Variants in ALOX12B observed in about 807,000 individuals in gnomAD.
The protein encoded by ALOX12B is arachidonate 12-lipoxygenase, 12R-type.
In ALOX12B, 47 loss-of-function variants were observed where a neutral mutation model predicts 78.9. The observed-to-expected ratio is 0.60, with a 90% CI of 0.47 to 0.76. The LOEUF is 0.76. Among genes scored for constraint, ALOX12B ranks in the 30% least tolerant of loss-of-function variants. The pLI, the probability that ALOX12B is intolerant of heterozygous loss-of-function variation, is 0.00. For missense variants in ALOX12B, 805 were observed against 922.6 expected (o/e 0.87, Z 1.65); for synonymous variants, 370 against 374.5 (o/e 0.99, Z 0.14).
At chr17:8,082,276 C>G (rs1229751610) in intron 2 of ALOX12B, among the ~76,000 whole-genome samples, 1 of 152,086 alleles carries the variant, frequency 6.6e-6, no homozygotes, top group Non-Finnish European at 1.5e-5. Flanking sequence ...TTGTTTAGCA[C>G]TTACTAGGTC....
In ALOX12B at chr17:8,076,322, C is replaced by A. The variant is rs774958790; in HGVS notation, c.1385G>T (p.Gly462Val). The change falls in exon 11 of 15, where the codon GGC becomes GTC. Residue 462 changes from glycine (G) to valine (V), a missense_variant. Gly to Val is a moderately radical substitution (Grantham distance 109, BLOSUM62 -3). Coordinates refer to ENST00000647874, the MANE Select transcript of ALOX12B (RefSeq NM_001139.3). ...AGCCCGTACCATCACCCCAGCAAAG[C>A]CTTCCACGCCCAGGGACATGCCCTG... ...SAKGMSLGVEGFAGVMVRALS... is the reference protein window; with the variant it reads ...SAKGMSLGVEVFAGVMVRALS... 3 of 1,608,338 alleles carry A rather than the reference C, an allele frequency of 1.9e-6. No individual in the cohort carries two copies. The highest frequency in any genetic ancestry group is 1.1e-5 in the South Asian group (1 of 90,144).
intron 2 of ALOX12B, among the ~76,000 whole-genome samples, chr17:8,081,870 T>C: frequency 6.6e-6 from 1 of 152,230 alleles, no homozygotes; most frequent in East Asian, 1.9e-4. Context: ...CTCGAACTCC[T>C]GACCTCAGGT....
Position 8,077,101 on chromosome 17 carries a change from C to T in ALOX12B, c.1164G>A (p.Ala388=), listed in dbSNP as rs373873829. Residue 388 remains alanine (A), a synonymous_variant, in exon 9 of 15, where the codon GCG becomes GCA. Transcript: ENST00000647874. The stretch of plus-strand genomic sequence containing the variant: ...CGATGGCCTCGTGGCTGTAGAACTC[C>T]GCATAGCGTACCCACGTCTTGGCTA... The part of the protein sequence containing the change: ...WLLAKTWVRY[A]EFYSHEAIAH... 5.1e-5 allele frequency: 82 copies of T among 1,613,856 alleles called. 1 individual carries two copies. In the African/African-American group the frequency reaches 5.5e-4, roughly 11 times the overall value.
chr17:8,084,580 G>T (rs1206269689), intron 2 of ALOX12B, among the ~76,000 whole-genome samples: 3 of 152,152 alleles, frequency 2.0e-5, no homozygotes, highest in African/African-American at 7.2e-5. Context: ...GCAGGAAGAT[G>T]CTCTGTGTCC....
Position 8,076,183 on chromosome 17 carries a change from T to A in ALOX12B, c.1524A>T (p.Ala508=). The A allele has an allele frequency of 6.2e-7, 1 of 1,614,054 alleles. No homozygotes were observed. Among genetic ancestry groups the A allele is most frequent in the Non-Finnish European group, 8.5e-7 (1 of 1,180,014 alleles). ...YRDDSLAVWN[A]LEKYVTEIIT... ...TGCTGTCCTGAGCTCACTTCTCCAGTGCATTCCACACCGCCAAGCTGTCAT... is the reference window on the plus strand; with the variant it reads ...TGCTGTCCTGAGCTCACTTCTCCAGAGCATTCCACACCGCCAAGCTGTCAT... Residue 508 remains alanine, a synonymous_variant, in exon 11 of 15, where the codon GCA becomes GCT. Transcript: ENST00000647874.
At chr17:8,083,773 G>C (rs947433116) in intron 2 of ALOX12B, among the ~76,000 whole-genome samples, 1 of 151,756 alleles carries the variant, frequency 6.6e-6, no homozygotes, top group Non-Finnish European at 1.5e-5. Context: ...ACTCCGTTCA[G>C]ATGTCATCTT....
rs796327272 is a variant in ALOX12B, at chr17:8,087,156, G to C, written c.147+140C>G. Reference sequence around the variant, plus strand: ...CAGCTCTCCAGCCTCTCCTCGCCAAGCTCAGCTCACCTGGCTCCCCCTGCG... The same window carrying C: ...CAGCTCTCCAGCCTCTCCTCGCCAACCTCAGCTCACCTGGCTCCCCCTGCG... On this transcript the variant is annotated intron_variant, in intron 1 of 14. Coordinates refer to ENST00000647874, the MANE Select transcript of ALOX12B (RefSeq NM_001139.3). 7 of 1,284,698 alleles carry C rather than the reference G, an allele frequency of 5.4e-6. No individual in the cohort carries two copies. In the African/African-American group the frequency reaches 8.5e-5, roughly 16 times the overall value. 79.6% of individuals were successfully genotyped at this position (1,284,698 alleles called of 1,614,324 possible).
rs776373653 is a variant in ALOX12B at position 8,080,166 on chromosome 17, G to T, written c.754+69C>A. 5 of 1,555,858 alleles carry T rather than the reference G, an allele frequency of 3.2e-6. No individual in the cohort carries two copies. Among genetic ancestry groups the T allele is most frequent in the Admixed American group, 3.3e-5 (2 of 59,900 alleles). ...TCTCCCGTCCCACTGCCCCGAAGTC[G>T]GGGGCCTGCCTAGCACGCCGGAGAC... is the stretch of plus-strand genomic sequence containing the variant. On this transcript the variant is annotated intron_variant, in intron 6 of 14. Transcript: ENST00000647874. This position sits in a 1 kb window ranked among gnomAD's most constrained non-coding sequence, Gnocchi z 4.8.
Position 8,080,137 on chromosome 17 carries a change from T to G in ALOX12B, c.754+98A>C, listed in dbSNP as rs781429156. ...GCCAGAGGGCGCGCGCGCGCCTCGC[T>G]GCCTCTCCCGTCCCACTGCCCCGAA... is the stretch of plus-strand genomic sequence containing the variant. On this transcript the variant is annotated intron_variant, in intron 6 of 14. Transcript: ENST00000647874. The surrounding 1 kb of genome is among the most constrained non-coding windows in gnomAD (Gnocchi z 4.8). The G allele has an allele frequency of 6.7e-7, 1 of 1,492,558 alleles. No homozygotes were observed. The highest frequency in any genetic ancestry group is 9.3e-7 in the Non-Finnish European group (1 of 1,070,644). 92.5% of individuals were successfully genotyped at this position (1,492,558 alleles called of 1,614,324 possible). A position where few individuals can be genotyped will look rare whatever the true frequency, so the allele number is the denominator to read the frequency against.
intron 13 of ALOX12B, 76 bp from the exon 14 acceptor site, chr17:8,073,394 C>A: frequency 1.3e-6 from 2 of 1,588,888 alleles, no homozygotes; most frequent in Non-Finnish European, 1.7e-6. Context: ...GCTGACCACC[C>A]GCCCTCCAGT....
chr17:8,076,523 C>T lies in ALOX12B; in HGVS notation c.1362+134G>A. ...TCTGCTCCTTTCTAGACAGGAGAAC[C>T]AACTTCATCCAGCTCCCTCCCTTCA... is the stretch of plus-strand genomic sequence containing the variant. On this transcript the variant is annotated intron_variant, in intron 10 of 14. Coordinates refer to ENST00000647874, the MANE Select transcript of ALOX12B (RefSeq NM_001139.3). 4 of 1,290,694 alleles carry T rather than the reference C, an allele frequency of 3.1e-6. No individual in the cohort carries two copies. The South Asian group carries it at 5.2e-5, about 17-fold the overall frequency. The allele number at this position is 1,290,694 out of a possible 1,614,324, so 80.0% of individuals were successfully genotyped here.
chr17:8,077,305 GCTCCGGTCCCAC>G, intron 8 of ALOX12B, 112 bp from the exon 9 acceptor site: 1 of 1,107,422 alleles, frequency 9.0e-7, no homozygotes, highest in South Asian at 1.4e-5. Context: ...ACACTCCTAA[GCTCCGGTCCCAC>G]TGGTCCCCTG....
At position 8,073,683 on chromosome 17, in the gene ALOX12B, T is replaced by C; in HGVS notation, c.1729A>G (p.Lys577Glu). 1 of 1,614,082 alleles carries C rather than the reference T, an allele frequency of 6.2e-7. No homozygotes were observed. Among genetic ancestry groups the C allele is most frequent in the Middle Eastern group, 1.6e-4 (1 of 6,062 alleles). ...VTIVIYTCSA[K>E]HAAVNTGQME... is the part of the protein sequence containing the mutation. ...TGGCCTGTGTTGACAGCAGCGTGCT[T>C]GGCAGAGCAGGTGTAGATGACTATA... The change falls in exon 13 of 15, where the codon AAG (lysine) becomes GAG (glutamate). Residue 577 changes from lysine to glutamate, a missense_variant. Coordinates refer to ENST00000647874, the MANE Select transcript of ALOX12B (RefSeq NM_001139.3).
At position 8,080,903 on chromosome 17, in the gene ALOX12B, GATGCCTCC is replaced by G; in HGVS notation, c.500_507del (p.Arg167ProfsTer7). The G allele has an allele frequency of 6.2e-7, 1 of 1,613,918 alleles. No individual in the cohort carries two copies. The highest frequency in any genetic ancestry group is 2.2e-5 in the East Asian group (1 of 44,870). ...CCTTACTCAGGCCGGTTGGGGTTGC[GATGCCTCC>G]GCACCGGAGGGCGGTAACTGGGAAT... On this transcript the variant is annotated frameshift_variant, in exon 4 of 15. Transcript: ENST00000647874. LOFTEE classifies it high-confidence loss of function. The surrounding 1 kb of genome is among the most constrained non-coding windows in gnomAD (Gnocchi z 4.8).
At position 8,086,007 on chromosome 17, in the gene ALOX12B, A is replaced by C; in HGVS notation, c.352+9T>G. On this transcript the variant is annotated intron_variant, in intron 2 of 14. Transcript: ENST00000647874. ...GGCCATAGGATGGAGCAGGGTGATG[A>C]GGGCTTACCTGTGGCCTCCCGGAGT... The C allele has an allele frequency of 6.2e-7, 1 of 1,613,858 alleles. No individual in the cohort carries two copies. The highest frequency in any genetic ancestry group is 8.5e-7 in the Non-Finnish European group (1 of 1,179,830).
chr17:8,086,753 A>G (rs958355786), intron 1 of ALOX12B, among the ~76,000 whole-genome samples: 4 of 152,224 alleles, frequency 2.6e-5, no homozygotes, highest in Admixed American at 2.0e-4. Context: ...ATTTTAAGTC[A>G]CAGAGAATCC....
intron 11 of ALOX12B, 100 bp downstream of exon 11, chr17:8,076,075 G>A (rs1977073488): frequency 6.6e-7 from 1 of 1,505,224 alleles, no homozygotes; most frequent in Non-Finnish European, 9.2e-7. Flanking sequence ...GCCCCTGGAT[G>A]ACACCAGACC....
rs139689690 is a variant in ALOX12B at position 8,075,634 on chromosome 17, C to T, written c.1615G>A (p.Glu539Lys). Residue 539 changes from glutamate (E) to lysine (K), a missense_variant, in exon 12 of 15, where the codon GAA (glutamate) becomes AAA (lysine). Coordinates refer to ENST00000647874, the MANE Select transcript of ALOX12B (RefSeq NM_001139.3). ...CCCAGGAGGCACTCTTTAAATATTT[C>T]CTGCACCCAAGACTGCAATTCCGGA... ...GDPELQSWVQ[E>K]IFKECLLGRE... 5 of 1,614,078 alleles carry T rather than the reference C, an allele frequency of 3.1e-6. No individual in the cohort carries two copies. The African/African-American group carries it at 6.7e-5, about 22-fold the overall frequency.
At position 8,079,065 on chromosome 17, in the gene ALOX12B, A is replaced by G. The variant is rs973427030; in HGVS notation, c.1071+331T>C. Among the ~76,000 whole-genome samples the G allele has an allele frequency of 6.6e-6, 1 of 151,560 alleles. No individual in the cohort carries two copies. Among genetic ancestry groups the G allele is most frequent in the South Asian group, 2.1e-4 (1 of 4,776 alleles). On this transcript the variant is annotated intron_variant, in intron 8 of 14. Transcript: ENST00000647874. This position sits in a 1 kb window ranked among gnomAD's most constrained non-coding sequence, Gnocchi z 6.4. ...GGCGCCCGCCACCACGCCCGGCTAA[A>G]TTTTTGTATTTTTAGTAGAGACGGG...
Sources: gnomAD v4.1 joint callset for allele counts (sites outside exome capture counted in the v4.1 genomes callset) on GRCh38, gnomAD v4.1.1 for gene constraint, Gnocchi (gnomAD v3.1) non-coding constraint, MANE v1.5 for transcripts, NCBI Gene and HGNC (gene_info 2026-07-23, HGNC 2026-07-21) for gene names.